The following NRP1 variants were observed in gnomAD, a reference collection of about 807,000 sequenced individuals.
NRP1 encodes the protein neuropilin 1.
Under a neutral mutation model 106.7 loss-of-function variants are expected in NRP1, and 35 were observed. The observed-to-expected ratio is 0.33, with a 90% CI of 0.25 to 0.43. The LOEUF (loss-of-function observed/expected upper bound fraction) is 0.43, where lower values mean the gene tolerates loss of function less well. Among genes scored for constraint, NRP1 ranks in the 20% least tolerant of loss-of-function variants. The pLI is 1.00. For synonymous variants in NRP1, 437 were observed against 417.9 expected, an observed-to-expected ratio of 1.05 and a Z score of -0.56; for missense variants, 1,024 against 1,170.4, an observed-to-expected ratio of 0.87 and a Z score of 1.83.
chr10:33,313,000 A>C (rs1373489457), intron 2 of NRP1, among the ~76,000 whole-genome samples: 2 of 152,224 alleles, frequency 1.3e-5, no homozygotes, highest in Non-Finnish European at 2.9e-5. Context: ...CCAATCACTC[A>C]TGTATGGAAT....
rs770814119 is a variant in NRP1, at chr10:33,333,353, C to T, written c.73+957G>A. Among the ~76,000 whole-genome samples the T allele has an allele frequency of 1.5e-4, 23 of 152,150 alleles. No homozygotes were observed. In the South Asian group the frequency reaches 1.7e-3, roughly 11 times the overall value. Reference sequence around the variant, plus strand: ...AAAAGCATATTAGAGAGATTAACTTCCATCATAAAGATGTGATTTAAATTC... The same window carrying T: ...AAAAGCATATTAGAGAGATTAACTTTCATCATAAAGATGTGATTTAAATTC... On this transcript the variant is annotated intron_variant, in intron 1 of 16. Transcript: ENST00000374867.
intron 6 of NRP1, among the ~76,000 whole-genome samples, chr10:33,232,688 G>C (rs1289872563): frequency 7.2e-6 from 1 of 139,374 alleles, no homozygotes; most frequent in Non-Finnish European, 1.5e-5. Flanking sequence ...CTGTCCCCTG[G>C]CTAGAGTGCA....
intron 10 of NRP1, among the ~76,000 whole-genome samples, chr10:33,203,655 C>G (rs1837520843): frequency 6.6e-6 from 1 of 150,848 alleles, no homozygotes; most frequent in African/African-American, 2.5e-5. Context: ...CTGCATTCCA[C>G]TGTTCACAGG....
intron 6 of NRP1, among the ~76,000 whole-genome samples, chr10:33,227,084 TC>T (rs1322599912): frequency 6.6e-6 from 1 of 152,206 alleles, no homozygotes; most frequent in African/African-American, 2.4e-5. Flanking sequence ...CTAAGTTGGT[TC>T]CCATTGTTAG....
intron 7 of NRP1, among the ~76,000 whole-genome samples, chr10:33,222,861 G>A (rs1006250065): frequency 6.6e-6 from 1 of 152,222 alleles, no homozygotes; most frequent in Non-Finnish European, 1.5e-5. Flanking sequence ...GACTGCAAAT[G>A]TAATGCATGC....
At chr10:33,321,498 C>A (rs191015729) in intron 2 of NRP1, among the ~76,000 whole-genome samples, 1 of 152,300 alleles carries the variant, frequency 6.6e-6, no homozygotes, top group African/African-American at 2.4e-5. Flanking sequence ...GCCTTAGCTC[C>A]TCCAGGTTTG....
chr10:33,289,170 C>T (rs1564458321), intron 2 of NRP1, among the ~76,000 whole-genome samples: 1 of 152,202 alleles, frequency 6.6e-6, no homozygotes, highest in Non-Finnish European at 1.5e-5. Flanking sequence ...AACTTTCAGA[C>T]ATTTTTTTCT....
chr10:33,332,950 A>G (rs1449308685), intron 1 of NRP1, among the ~76,000 whole-genome samples: 1 of 152,042 alleles, frequency 6.6e-6, no homozygotes, highest in East Asian at 1.9e-4. Context: ...AGCTCTTTGC[A>G]TTGAGCTTCA....
chr10:33,261,181 G>A (rs1842549351), intron 4 of NRP1, among the ~76,000 whole-genome samples: 1 of 152,216 alleles, frequency 6.6e-6, no homozygotes, highest in African/African-American at 2.4e-5. Flanking sequence ...TGCGTAAATT[G>A]CAAGGCTGAT....
intron 2 of NRP1, among the ~76,000 whole-genome samples, chr10:33,300,433 A>G (rs757769745): frequency 6.6e-6 from 1 of 152,196 alleles, no homozygotes; most frequent in African/African-American, 2.4e-5. Flanking sequence ...CCAGGAGAGG[A>G]TTTCCAAAGA....
chr10:33,237,749 A>G (rs1461957394), intron 6 of NRP1, among the ~76,000 whole-genome samples: 1 of 151,568 alleles, frequency 6.6e-6, no homozygotes, highest in Non-Finnish European at 1.5e-5. Flanking sequence ...TTTAATGGAG[A>G]TGGGGTTGTG....
At chr10:33,261,779 A>G (rs537112241) in intron 4 of NRP1, among the ~76,000 whole-genome samples, 25 of 152,312 alleles carry the variant, frequency 1.6e-4, no homozygotes, top group African/African-American at 6.0e-4. Flanking sequence ...TCTGTTCCCC[A>G]GGCTGGAGTG....
chr10:33,287,130 A>T (rs1844625349), intron 2 of NRP1, among the ~76,000 whole-genome samples: 2 of 152,228 alleles, frequency 1.3e-5, no homozygotes. Flanking sequence ...TCAAAAACAC[A>T]GGTTAACAGC....
At position 33,217,173 on chromosome 10, in the gene NRP1, A is replaced by T. The variant is rs371730598; in HGVS notation, c.1283-3456T>A. ...ATGTTTAGCTGGTAATGGGGACCAG[A>T]TGTTACCATTTGGAGGCAAACATAA... On this transcript the variant is annotated intron_variant, in intron 8 of 16. Transcript: ENST00000374867. Among the ~76,000 whole-genome samples, 15 of 152,314 alleles carry T rather than the reference A, an allele frequency of 9.8e-5. No homozygotes were observed. In the East Asian group the frequency reaches 2.9e-3, roughly 29 times the overall value.
At chr10:33,321,736 C>T (rs114853413) in intron 2 of NRP1, among the ~76,000 whole-genome samples, 309 of 152,248 alleles carry the variant, frequency 2.0e-3, no homozygotes, top group African/African-American at 7.0e-3. Flanking sequence ...GACTTGGAAT[C>T]GTGACTATAT....
chr10:33,330,833 A>C lies in NRP1; in HGVS notation c.123T>G (p.Ser41=), dbSNP rs1199572213. The C allele has an allele frequency of 6.2e-7, 1 of 1,613,102 alleles. No individual in the cohort carries two copies. The highest frequency in any genetic ancestry group is 8.5e-7 in the Non-Finnish European group (1 of 1,179,444). The change falls in exon 2 of 17, where the codon TCT becomes TCG. Residue 41 remains serine (S), a synonymous_variant. Transcript: ENST00000374867. ...GGTGATAAGAATGAGGATAACCAGG[A>C]GATGTAAGGTACCCGGGGCTTTCAA... The part of the protein sequence containing the change: ...IKIESPGYLT[S]PGYPHSYHPS...
At chr10:33,213,327 G>A (rs1265404780) in intron 9 of NRP1, 59 bp downstream of exon 9, 3 of 1,614,032 alleles carry the variant, frequency 1.9e-6, no homozygotes, top group African/African-American at 1.3e-5. Flanking sequence ...GAATGCCAGA[G>A]GCCCTTGATT....
intron 6 of NRP1, among the ~76,000 whole-genome samples, chr10:33,250,405 T>A (rs1841768100): frequency 1.3e-5 from 2 of 152,134 alleles, no homozygotes; most frequent in African/African-American, 4.8e-5. Flanking sequence ...AACGGTAATT[T>A]TACCTCAAGG....
chr10:33,274,200 G>A (rs529101843), intron 2 of NRP1, among the ~76,000 whole-genome samples: 16 of 152,146 alleles, frequency 1.1e-4, no homozygotes, highest in African/African-American at 2.4e-4. Flanking sequence ...GGTGTAATCC[G>A]CCAGGTGGTT....
Sources: allele counts gnomAD v4.1 joint callset (sites outside exome capture counted in the v4.1 genomes callset), GRCh38; gene constraint gnomAD v4.1.1; transcripts MANE v1.5; gene names NCBI Gene and HGNC (gene_info 2026-07-23, HGNC 2026-07-21).